The following DOP1A variants were observed in gnomAD, a reference collection of about 807,000 sequenced individuals.
DOP1A encodes the protein DOP1 leucine zipper like protein A.
Under a neutral mutation model 267.6 loss-of-function variants are expected in DOP1A, and 90 were observed. The observed-to-expected ratio is 0.34, with a 90% confidence interval of 0.28 to 0.40. The LOEUF is 0.40. DOP1A is among the 10% of genes least tolerant of loss of function. DOP1A has a pLI of 1.00. For missense variants in DOP1A, 2,437 were observed against 2,900.4 expected (o/e 0.84, Z 3.67); for synonymous variants, 932 against 999.1 (o/e 0.93, Z 1.27).
At chr6:83,070,738 A>G (rs1457189497) in intron 1 of DOP1A, among the ~76,000 whole-genome samples, 1 of 142,642 alleles carries the variant, frequency 7.0e-6, no homozygotes, top group Non-Finnish European at 1.5e-5. Flanking sequence ...TTTTTTTTTC[A>G]TCATTCTTCT....
At chr6:83,090,598 G>C (rs1770176690) in intron 1 of DOP1A, among the ~76,000 whole-genome samples, 1 of 152,144 alleles carries the variant, frequency 6.6e-6, no homozygotes, top group Non-Finnish European at 1.5e-5. Context: ...TAAGCACAGA[G>C]ATAAAAGTAA....
intron 33 of DOP1A, 69 bp downstream of exon 33, chr6:83,154,310 T>G: frequency 7.0e-7 from 1 of 1,424,754 alleles, no homozygotes; most frequent in Non-Finnish European, 9.9e-7. Context: ...TTACTTGTAC[T>G]CTTTTCTGGA....
rs1255587572 is a variant in DOP1A, at chr6:83,124,830, C to T, written c.1455+11C>T. 8 of 1,590,094 alleles carry T rather than the reference C, an allele frequency of 5.0e-6. No individual in the cohort carries two copies. The South Asian group carries it at 8.9e-5, about 18-fold the overall frequency. On this transcript the variant is annotated intron_variant, in intron 13 of 38. Transcript: ENST00000349129. Reference sequence around the variant, plus strand: ...GACATAGTTTCTTTGGTAAGACCACCTTGGTAAGAAAATATCAAGGAAATC... The same window carrying T: ...GACATAGTTTCTTTGGTAAGACCACTTTGGTAAGAAAATATCAAGGAAATC...
At chr6:83,068,649 ATGT>A (rs765338343) in intron 1 of DOP1A, among the ~76,000 whole-genome samples, 104 of 152,316 alleles carry the variant, frequency 6.8e-4, no homozygotes, top group Middle Eastern at 6.8e-3. Flanking sequence ...ATCTGTTTTG[ATGT>A]TGTTGGCCAT....
chr6:83,105,362 T>C (rs1299845518), intron 4 of DOP1A, among the ~76,000 whole-genome samples: 2 of 128,888 alleles, frequency 1.6e-5, no homozygotes, highest in African/African-American at 6.1e-5. Flanking sequence ...CTTTCTTTTT[T>C]TTTTTTTTTT....
chr6:83,102,584 A>C (rs908889523), intron 4 of DOP1A, among the ~76,000 whole-genome samples: 1 of 152,238 alleles, frequency 6.6e-6, no homozygotes, highest in Admixed American at 6.5e-5. Context: ...GGCAGCATGC[A>C]GTCTAAGTAA....
rs182326213 is a variant in DOP1A, at chr6:83,094,789, T to A, written c.-146-1942T>A. 2.5e-3 allele frequency among the ~76,000 whole-genome samples: 382 copies of A among 152,346 alleles called. 1 individual carries two copies. The highest frequency in any genetic ancestry group is 4.2e-3 in the Non-Finnish European group (288 of 68,032). On this transcript the variant is annotated intron_variant, in intron 1 of 38. Transcript: ENST00000349129. The stretch of plus-strand genomic sequence containing the variant: ...TATCTAGTTTAAGTCTCATCAGATA[T>A]ATGGAGGATATATTTTCTCCTATTC...
chr6:83,164,702 G>C, intron 38 of DOP1A: 1 of 1,591,272 alleles, frequency 6.3e-7, no homozygotes, highest in East Asian at 2.3e-5. Context: ...GGAGGGATTG[G>C]AGATGGCCAA....
At chr6:83,170,770 A>G (rs1007681212), downstream of DOP1A, 8 of 245,694 alleles carry the variant, frequency 3.3e-5, no homozygotes, top group Non-Finnish European at 4.7e-5. Flanking sequence ...CAAAAACAGG[A>G]TAAGTGGTAG....
chr6:83,131,878 C>A, intron 17 of DOP1A, among the ~76,000 whole-genome samples: 1 of 152,150 alleles, frequency 6.6e-6, no homozygotes, highest in South Asian at 2.1e-4. Context: ...CTCAGGTGAT[C>A]TGCCTGCCTC....
chr6:83,069,096 G>A (rs116546667), intron 1 of DOP1A, among the ~76,000 whole-genome samples: 1 of 152,194 alleles, frequency 6.6e-6, no homozygotes, highest in African/African-American at 2.4e-5. Context: ...AAAGGAGTGA[G>A]CTCTGGCCTG....
chr6:83,168,238 GTA>G lies in DOP1A; in HGVS notation c.*74_*75del. ...TAAAACACACACACTGCTCTGCGTTGTATAGTTTTTCCTTTTTTGTATGTAAC... is the reference window on the plus strand; with the variant it reads ...TAAAACACACACACTGCTCTGCGTTGTAGTTTTTCCTTTTTTGTATGTAAC... On this transcript the variant is annotated 3_prime_UTR_variant, in exon 39 of 39. Transcript: ENST00000349129. The G allele has an allele frequency of 6.7e-7, 1 of 1,494,340 alleles. No homozygotes were observed. The highest frequency in any genetic ancestry group is 8.8e-7 in the Non-Finnish European group (1 of 1,130,110). The allele number at this position is 1,494,340 out of a possible 1,614,324, so 92.6% of individuals were successfully genotyped here.
intron 27 of DOP1A, among the ~76,000 whole-genome samples, chr6:83,150,400 A>G (rs903464199): frequency 1.8e-5 from 2 of 110,386 alleles, no homozygotes; most frequent in Non-Finnish European, 3.7e-5. Flanking sequence ...CTTTCCTTAC[A>G]TGCCTTTTCT....
At chr6:83,142,403 G>A (rs867483194) in intron 24 of DOP1A, among the ~76,000 whole-genome samples, 5 of 152,232 alleles carry the variant, frequency 3.3e-5, no homozygotes, top group Middle Eastern at 3.4e-3. Context: ...AGGTACTCGG[G>A]AGGCTGAGGC....
chr6:83,110,834 T>C (rs1422584316), intron 6 of DOP1A, among the ~76,000 whole-genome samples: 1 of 152,196 alleles, frequency 6.6e-6, no homozygotes, highest in Non-Finnish European at 1.5e-5. Flanking sequence ...ATTACTGATA[T>C]TTTAATGCAT....
In DOP1A at chr6:83,137,222, T is replaced by C; in HGVS notation, c.3180T>C (p.Leu1060=). The C allele has an allele frequency of 6.3e-7, 1 of 1,596,326 alleles. No homozygotes were observed. Among genetic ancestry groups the C allele is most frequent in the Non-Finnish European group, 8.5e-7 (1 of 1,169,790 alleles). ...CAAAAGGAAATGGTGAAAAGCCACT[T>C]ACCATGGATGAAATAGAGAACTTTA... ...ITSKGNGEKP[L]TMDEIENFSL... Residue 1060 remains leucine, a synonymous_variant, in exon 21 of 39, where the codon CTT becomes CTC. Transcript: ENST00000349129.
intron 38 of DOP1A, chr6:83,164,574 T>A: frequency 7.7e-7 from 1 of 1,306,528 alleles, no homozygotes; most frequent in East Asian, 2.5e-5. Context: ...CATCTTCCCA[T>A]CCAAATCACC....
intron 37 of DOP1A, 85 bp downstream of exon 37, chr6:83,160,045 T>A: frequency 7.4e-7 from 1 of 1,342,416 alleles, no homozygotes; most frequent in East Asian, 2.3e-5. Context: ...TTAAAAAGTT[T>A]TTTGTGTAAG....
downstream of DOP1A, chr6:83,168,844 A>C: frequency 9.6e-7 from 1 of 1,036,772 alleles, no homozygotes; most frequent in Non-Finnish European, 1.2e-6. Context: ...TTGTATCAGC[A>C]ATGGGGAATG....
Sources: allele counts gnomAD v4.1 joint callset (sites outside exome capture counted in the v4.1 genomes callset), GRCh38; gene constraint gnomAD v4.1.1; transcripts MANE v1.5; gene names NCBI Gene and HGNC (gene_info 2026-07-23, HGNC 2026-07-21).